Variants in ARHGEF10L observed in about 807,000 individuals in gnomAD.
The protein encoded by ARHGEF10L is Rho guanine nucleotide exchange factor 10 like.
A neutral mutation model predicts 141.2 loss-of-function variants in ARHGEF10L; 69 were observed. That is an observed-to-expected ratio of 0.49 (90% confidence interval 0.40 to 0.60). ARHGEF10L has a LOEUF of 0.60. Ranked by LOEUF, ARHGEF10L falls within the 20% of genes least tolerant of loss-of-function variation. The pLI, the probability that ARHGEF10L is intolerant of heterozygous loss-of-function variation, is 0.00. For synonymous variants in ARHGEF10L, 711 were observed against 718.5 expected (o/e 0.99, Z 0.17); for missense variants, 1,482 against 1,734.3 (o/e 0.85, Z 2.58).
intron 4 of ARHGEF10L, among the ~76,000 whole-genome samples, chr1:17,598,513 C>T (rs1366375260): frequency 2.0e-5 from 3 of 152,194 alleles, no homozygotes; most frequent in Non-Finnish European, 4.4e-5. Flanking sequence ...CACCTTCTCA[C>T]TGTGTCCTTA....
At chr1:17,574,205 A>G (rs940464131) in intron 1 of ARHGEF10L, among the ~76,000 whole-genome samples, 1 of 152,138 alleles carries the variant, frequency 6.6e-6, no homozygotes, top group African/African-American at 2.4e-5. Context: ...GGGGCTCCGT[A>G]GCTGTGTGGC....
chr1:17,616,274 T>A, intron 9 of ARHGEF10L, 72 bp downstream of exon 9: 2 of 1,290,364 alleles, frequency 1.5e-6, no homozygotes, highest in Non-Finnish European at 2.2e-6. Flanking sequence ...GGGATTTTGC[T>A]TTACACCCCA....
chr1:17,623,295 T>G lies in ARHGEF10L; in HGVS notation c.1200+120T>G. 1 of 1,250,870 alleles carries G rather than the reference T, an allele frequency of 8.0e-7. No homozygotes were observed. Among genetic ancestry groups the G allele is most frequent in the Non-Finnish European group, 1.1e-6 (1 of 904,520 alleles). 77.5% of individuals were successfully genotyped at this position (1,250,870 alleles called of 1,614,324 possible). A position where few individuals can be genotyped will look rare whatever the true frequency, so the allele number is the denominator to read the frequency against. ...GCTTGCCTTGTTCAAGTCAGTGGGA[T>G]TAGAGGGTGGCAGGGTCTTCTGGGC... On this transcript the variant is annotated intron_variant, in intron 12 of 28. Transcript: ENST00000361221. This position sits in a 1 kb window ranked among gnomAD's most constrained non-coding sequence, Gnocchi z 4.7.
chr1:17,664,405 GC>G, intron 25 of ARHGEF10L, 41 bp from the exon 26 acceptor site: 1 of 1,584,938 alleles, frequency 6.3e-7, no homozygotes, highest in Non-Finnish European at 8.5e-7. Context: ...AGACCTGCTT[GC>G]CGCTCCTGGC....
At position 17,621,563 on chromosome 1, in the gene ARHGEF10L, G is replaced by C. The variant is rs372878433; in HGVS notation, c.943-301G>C. On this transcript the variant is annotated intron_variant, in intron 10 of 28. Coordinates refer to ENST00000361221, the MANE Select transcript of ARHGEF10L (RefSeq NM_018125.4). This position sits in a 1 kb window ranked among gnomAD's most constrained non-coding sequence, Gnocchi z 4.1. ...TTTTCTATTAGAGTTGTCCAAAGATGGAGGTGGTCACCCGCCACCATGGAG... is the reference window on the plus strand; with the variant it reads ...TTTTCTATTAGAGTTGTCCAAAGATCGAGGTGGTCACCCGCCACCATGGAG... Among the ~76,000 whole-genome samples the C allele has an allele frequency of 6.0e-4, 91 of 152,308 alleles. No homozygotes were observed. The South Asian group carries it at 0.016, about 27-fold the overall frequency.
upstream of ARHGEF10L, among the ~76,000 whole-genome samples, chr1:17,536,080 AG>A (rs2076572030): frequency 6.6e-6 from 1 of 152,252 alleles, no homozygotes; most frequent in African/African-American, 2.4e-5. Context: ...AGCACTAAAA[AG>A]CAGTTAACCA....
At chr1:17,638,806 T>A in intron 20 of ARHGEF10L, 117 bp downstream of exon 20, 2 of 1,474,274 alleles carry the variant, frequency 1.4e-6, no homozygotes, top group Non-Finnish European at 1.8e-6. Context: ...ATGGTGGGAG[T>A]GGATATGTAG....
chr1:17,616,744 C>T (rs1187578206), intron 9 of ARHGEF10L, among the ~76,000 whole-genome samples: 1 of 152,078 alleles, frequency 6.6e-6, no homozygotes, highest in Admixed American at 6.5e-5. Flanking sequence ...CCCTGGGGGG[C>T]ATGGAGGAAA....
intron 4 of ARHGEF10L, among the ~76,000 whole-genome samples, chr1:17,599,566 T>G (rs986933982): frequency 6.6e-6 from 1 of 152,122 alleles, no homozygotes; most frequent in African/African-American, 2.4e-5. Flanking sequence ...TTCAGGATGT[T>G]TCTGTGTTGA....
rs140214763 is a variant in ARHGEF10L at position 17,628,343 on chromosome 1, C to A, written c.1584+840C>A. Among the ~76,000 whole-genome samples the A allele has an allele frequency of 8.0e-3, 1,225 of 152,188 alleles. 15 individuals carry two copies. Among genetic ancestry groups the A allele is most frequent in the African/African-American group, 0.027 (1,122 of 41,536 alleles). On this transcript the variant is annotated intron_variant, in intron 15 of 28. Coordinates refer to ENST00000361221, the MANE Select transcript of ARHGEF10L (RefSeq NM_018125.4). ...AGACTCTGTCTCTAAAGGAAAAAAA[C>A]CAAACAAAACCAAAAGACTTGCAAA... is the stretch of plus-strand genomic sequence containing the variant.
chr1:17,604,754 C>T (rs1305343284), intron 6 of ARHGEF10L: 2 of 152,226 alleles, frequency 1.3e-5, no homozygotes, highest in Non-Finnish European at 2.9e-5. Flanking sequence ...CAATGGATTC[C>T]CACTGTATTA....
intron 12 of ARHGEF10L, among the ~76,000 whole-genome samples, chr1:17,624,005 A>C (rs1190746804): frequency 6.6e-6 from 1 of 152,118 alleles, no homozygotes; most frequent in African/African-American, 2.4e-5. Flanking sequence ...TTAAAGGTGG[A>C]GGGCAAGGGG....
At position 17,634,859 on chromosome 1, in the gene ARHGEF10L, G is replaced by C. The variant is rs1300182802; in HGVS notation, c.1770G>C (p.Leu590=). 1 of 1,613,660 alleles carries C rather than the reference G, an allele frequency of 6.2e-7. No individual in the cohort carries two copies. The highest frequency in any genetic ancestry group is 8.5e-7 in the Non-Finnish European group (1 of 1,179,858). The change falls in exon 18 of 29, where the codon CTG becomes CTC. Residue 590 remains leucine (L), a synonymous_variant. Transcript: ENST00000361221. The part of the protein sequence containing the change: ...NHRGQLEISS[L]VPLGPKYVVK... The stretch of plus-strand genomic sequence containing the variant: ...GGGGCCAGCTGGAGATCAGCAGCCT[G>C]GTGCCCCTGGGGCCCAAGTATGTGG...
intron 21 of ARHGEF10L, among the ~76,000 whole-genome samples, chr1:17,643,512 T>C (rs2101871008): frequency 6.6e-6 from 1 of 152,298 alleles, no homozygotes; most frequent in Admixed American, 6.5e-5. Context: ...CCAAGGGCCC[T>C]GTTGCATTCT....
At chr1:17,596,885 C>A (rs1167582927) in intron 4 of ARHGEF10L, among the ~76,000 whole-genome samples, 2 of 152,150 alleles carry the variant, frequency 1.3e-5, no homozygotes, top group African/African-American at 4.8e-5. Flanking sequence ...AACCCTGTCT[C>A]AACTAAAAAT....
intron 26 of ARHGEF10L, among the ~76,000 whole-genome samples, chr1:17,674,408 G>A (rs1294367636): frequency 6.6e-6 from 1 of 152,224 alleles, no homozygotes; most frequent in Non-Finnish European, 1.5e-5. Context: ...CACAGGTCCT[G>A]CAGAGCAGGT....
upstream of ARHGEF10L, among the ~76,000 whole-genome samples, chr1:17,538,990 G>T (rs951061579): frequency 6.6e-6 from 1 of 152,246 alleles, no homozygotes; most frequent in South Asian, 2.1e-4. Context: ...GTGTTTGGCA[G>T]CTTTGGAGCT....
At chr1:17,534,927 T>G (rs545621641), upstream of ARHGEF10L, among the ~76,000 whole-genome samples, 1 of 152,210 alleles carries the variant, frequency 6.6e-6, no homozygotes, top group Non-Finnish European at 1.5e-5. Context: ...GCCCTCAAAC[T>G]TTTTGGCCTC....
chr1:17,677,075 T>C (rs1238302479), intron 26 of ARHGEF10L, among the ~76,000 whole-genome samples: 1 of 151,836 alleles, frequency 6.6e-6, no homozygotes, highest in Non-Finnish European at 1.5e-5. Context: ...GTTTGCTGAG[T>C]GAGCTAGCAG....
Sources: allele counts gnomAD v4.1 joint callset (sites outside exome capture counted in the v4.1 genomes callset), GRCh38; gene constraint gnomAD v4.1.1; non-coding constraint Gnocchi (gnomAD v3.1); transcripts MANE v1.5; gene names NCBI Gene and HGNC (gene_info 2026-07-23, HGNC 2026-07-21).